LYST: variants seen among roughly 807,000 people sequenced by gnomAD.
The protein encoded by LYST is lysosomal-trafficking regulator.
LYST carries 192 observed loss-of-function variants against 413.6 expected under a neutral mutation model. That is an observed-to-expected ratio of 0.46 (90% CI 0.41 to 0.52). The LOEUF is 0.52. Among genes scored for constraint, LYST ranks in the 20% least tolerant of loss-of-function variants. The pLI, the probability that LYST is intolerant of heterozygous loss-of-function variation, is 0.00. For synonymous variants in LYST, 1,525 were observed against 1,567.3 expected, an observed-to-expected ratio of 0.97 and a Z score of 0.64; for missense variants, 3,815 against 4,499.9, an observed-to-expected ratio of 0.85 and a Z score of 4.35.
chr1:235,750,851 C>A (rs955441064), intron 28 of LYST, among the ~76,000 whole-genome samples: 2 of 152,160 alleles, frequency 1.3e-5, no homozygotes, highest in Non-Finnish European at 2.9e-5. Context: ...TGCTGGACAC[C>A]TTTCTCAGAG....
At chr1:235,770,635 A>G (rs1191408940) in intron 19 of LYST, among the ~76,000 whole-genome samples, 1 of 152,214 alleles carries the variant, frequency 6.6e-6, no homozygotes, top group Non-Finnish European at 1.5e-5. Context: ...TTTTTAAATA[A>G]TTTATGTTCA....
At chr1:235,792,606 T>C (rs1558252751) in intron 11 of LYST, among the ~76,000 whole-genome samples, 1 of 150,516 alleles carries the variant, frequency 6.6e-6, no homozygotes, top group Non-Finnish European at 1.5e-5. Context: ...TGAGTCACCA[T>C]GCCCAGCCTT....
chr1:235,822,465 T>C (rs971479224), intron 3 of LYST, among the ~76,000 whole-genome samples: 4 of 152,200 alleles, frequency 2.6e-5, no homozygotes, highest in Non-Finnish European at 5.9e-5. Flanking sequence ...GCAGATAACC[T>C]GTCTAATTCA....
rs1203690432 is a variant in LYST at position 235,762,759 on chromosome 1, C to T, written c.6214G>A (p.Val2072Ile). The change falls in exon 22 of 53, where the codon GTA becomes ATA. Residue 2072 changes from valine (V) to isoleucine (I), a missense_variant. By Grantham distance (29) the Val-to-Ile change is conservative. Coordinates refer to ENST00000389793, the MANE Select transcript of LYST (RefSeq NM_000081.4). ...GCAGTAAAACCAGATGGGCTTATTA[C>T]CATAAATCCAGGGCTCATAAGGGAC... ...GRSLMSPGFM[V>I]ISPSGFTASP... The T allele has an allele frequency of 3.7e-6, 6 of 1,613,234 alleles. 1 individual carries two copies. The highest frequency in any genetic ancestry group is 4.2e-6 in the Non-Finnish European group (5 of 1,179,370).
In LYST at chr1:235,676,804, A is replaced by C. The variant is rs972571386; in HGVS notation, c.11038+287T>G. 2.6e-5 allele frequency among the ~76,000 whole-genome samples: 4 copies of C among 152,370 alleles called. No individual in the cohort carries two copies. In the East Asian group the frequency reaches 7.7e-4, roughly 29 times the overall value. ...AAAGTCAAAACCAAGAAAACTGAAA[A>C]AACTATGTAACAATAATTTGCTTAG... On this transcript the variant is annotated intron_variant, in intron 50 of 52. Coordinates refer to ENST00000389793, the MANE Select transcript of LYST (RefSeq NM_000081.4).
chr1:235,792,129 G>C lies in LYST; in HGVS notation c.4117-4C>G. The C allele has an allele frequency of 6.3e-7, 1 of 1,580,436 alleles. No homozygotes were observed. Among genetic ancestry groups the C allele is most frequent in the African/African-American group, 1.3e-5 (1 of 74,190 alleles). On this transcript the variant is annotated splice_region_variant and splice_polypyrimidine_tract_variant and intron_variant, in intron 11 of 52. Coordinates refer to ENST00000389793, the MANE Select transcript of LYST (RefSeq NM_000081.4). ...GAATACCCAGAAGAAGAATTTTCTA[G>C]AGAAAAAGAAAAACAAATGAAACTT...
chr1:235,688,742 T>C (rs555479991), intron 47 of LYST, among the ~76,000 whole-genome samples: 2 of 152,176 alleles, frequency 1.3e-5, no homozygotes, highest in African/African-American at 4.8e-5. Flanking sequence ...CCCAGCACTT[T>C]GGGAGGCCGA....
upstream of LYST, among the ~76,000 whole-genome samples, chr1:235,869,486 T>C (rs1680836791): frequency 6.6e-6 from 1 of 151,958 alleles, no homozygotes; most frequent in African/African-American, 2.4e-5. Context: ...AAAAAAATAA[T>C]AATTAAAAAA....
chr1:235,700,891 G>A (rs1005605917), intron 45 of LYST, among the ~76,000 whole-genome samples: 2 of 152,184 alleles, frequency 1.3e-5, no homozygotes, highest in African/African-American at 4.8e-5. Context: ...TGGGATGGGA[G>A]TATAGACAAA....
chr1:235,877,531 C>A (rs866681980), intron 1 of LYST, among the ~76,000 whole-genome samples: 10 of 152,184 alleles, frequency 6.6e-5, no homozygotes, highest in South Asian at 2.1e-4. Flanking sequence ...CTCTGCCTCC[C>A]GAGTAGCTGG....
rs545495220 is a variant in LYST, at chr1:235,816,507, G to A, written c.193-3446C>T. Among the ~76,000 whole-genome samples, 4 of 145,136 alleles carry A rather than the reference G, an allele frequency of 2.8e-5. No individual in the cohort carries two copies. The South Asian group carries it at 8.7e-4, about 32-fold the overall frequency. ...GCCATACTGCCCAAAGCAATTTACA[G>A]ATTCAATGCTATTCCAAACTACCAA... On this transcript the variant is annotated intron_variant, in intron 3 of 52. Transcript: ENST00000389793.
intron 41 of LYST, among the ~76,000 whole-genome samples, chr1:235,715,812 C>A (rs1662789396): frequency 6.6e-6 from 1 of 151,406 alleles, no homozygotes; most frequent in Non-Finnish European, 1.5e-5. Flanking sequence ...AACTATGTCA[C>A]ATTATTGGTA....
At chr1:235,881,189 A>G (rs941170850) in intron 1 of LYST, among the ~76,000 whole-genome samples, 1 of 152,194 alleles carries the variant, frequency 6.6e-6, no homozygotes, top group Non-Finnish European at 1.5e-5. Context: ...TTCTCCTTAG[A>G]AGTATTTTGC....
At chr1:235,856,289 T>C (rs928854543) in intron 1 of LYST, among the ~76,000 whole-genome samples, 2 of 152,176 alleles carry the variant, frequency 1.3e-5, no homozygotes, top group Admixed American at 6.5e-5. Flanking sequence ...GAGATCACTT[T>C]CTTAAAATAC....
intron 45 of LYST, among the ~76,000 whole-genome samples, chr1:235,701,132 G>A (rs538555389): frequency 6.6e-6 from 1 of 152,246 alleles, no homozygotes; most frequent in African/African-American, 2.4e-5. Flanking sequence ...GATATATCTG[G>A]GGAGTGGTTA....
In LYST at chr1:235,662,196, T is replaced by G. The variant is rs1658097269; in HGVS notation, c.*744A>C. On this transcript the variant is annotated 3_prime_UTR_variant, in exon 53 of 53. Coordinates refer to ENST00000389793, the MANE Select transcript of LYST (RefSeq NM_000081.4). ...TAAACCTCAGTGACTCAACTAAGGA[T>G]AGTCAATATCTAGCGTTACAGATTT... 1.3e-5 allele frequency: 2 copies of G among 152,742 alleles called. No homozygotes were observed. The highest frequency in any genetic ancestry group is 4.8e-5 in the African/African-American group (2 of 41,458). The allele number at this position is 152,742 out of a possible 1,614,324, so 9.5% of individuals were successfully genotyped here. A position where few individuals can be genotyped will look rare whatever the true frequency, so the allele number is the denominator to read the frequency against.
intron 31 of LYST, chr1:235,737,956 C>A: frequency 7.9e-7 from 1 of 1,267,892 alleles, no homozygotes; most frequent in Non-Finnish European, 1.0e-6. Context: ...ACCCGCCGGA[C>A]GTGCATTCTC....
intron 10 of LYST, among the ~76,000 whole-genome samples, chr1:235,797,568 C>T (rs573241612): frequency 5.9e-5 from 9 of 151,958 alleles, no homozygotes; most frequent in Non-Finnish European, 8.8e-5. Context: ...GATATTCACA[C>T]GCAAAATAAT....
chr1:235,789,696 T>C (rs1670797715), intron 12 of LYST, among the ~76,000 whole-genome samples: 1 of 152,128 alleles, frequency 6.6e-6, no homozygotes, highest in African/African-American at 2.4e-5. Flanking sequence ...GCGATGACAA[T>C]AGTTTTAAAA....
Sources: gnomAD v4.1 joint callset for allele counts (sites outside exome capture counted in the v4.1 genomes callset) on GRCh38, gnomAD v4.1.1 for gene constraint, MANE v1.5 for transcripts, NCBI Gene and HGNC (gene_info 2026-07-23, HGNC 2026-07-21) for gene names.